Variants in PDE4D observed in about 807,000 individuals in gnomAD.
PDE4D encodes the protein 3',5'-cyclic-AMP phosphodiesterase 4D.
PDE4D carries 24 observed loss-of-function variants against 87.4 expected under a neutral mutation model. The observed-to-expected ratio is 0.27, with a 90% CI of 0.20 to 0.39. The LOEUF is 0.39. Ranked by LOEUF, PDE4D falls within the 10% of genes least tolerant of loss-of-function variation. The probability of loss-of-function intolerance (pLI) is 1.00; values close to 1 mark genes in which losing one functional copy is unlikely to be tolerated. For synonymous variants in PDE4D, 384 were observed against 383.2 expected, an observed-to-expected ratio of 1.00 and a Z score of -0.02; for missense variants, 714 against 1,041.0, an observed-to-expected ratio of 0.69 and a Z score of 4.32.
At chr5:60,417,867 G>A (rs1458813015) in intron 1 of PDE4D, among the ~76,000 whole-genome samples, 2 of 151,620 alleles carry the variant, frequency 1.3e-5, no homozygotes, top group African/African-American at 2.4e-5. Context: ...TGTTTAAATG[G>A]TCAGGGTTTA....
intron 3 of PDE4D, among the ~76,000 whole-genome samples, chr5:59,185,769 CT>C (rs1386412521): frequency 6.6e-6 from 1 of 152,128 alleles, no homozygotes. Flanking sequence ...ACATTGTTTT[CT>C]TTTGTTAAGG....
At chr5:59,490,486 A>G (rs1273890562) in intron 1 of PDE4D, among the ~76,000 whole-genome samples, 2 of 152,196 alleles carry the variant, frequency 1.3e-5, no homozygotes, top group Non-Finnish European at 2.9e-5. Flanking sequence ...GACATAAATA[A>G]CAGCTATAGA....
intron 2 of PDE4D, among the ~76,000 whole-genome samples, chr5:59,990,380 T>C (rs188622512): frequency 1.3e-5 from 2 of 152,322 alleles, no homozygotes; most frequent in East Asian, 3.9e-4. Context: ...TGATGCTCAC[T>C]CTTCACATTG....
intron 1 of PDE4D, among the ~76,000 whole-genome samples, chr5:59,581,451 A>G (rs936214663): frequency 6.6e-6 from 1 of 152,220 alleles, no homozygotes; most frequent in Non-Finnish European, 1.5e-5. Context: ...AAGCTAAAAC[A>G]TCATACATTG....
At chr5:59,654,660 A>G (rs1359824511) in intron 1 of PDE4D, among the ~76,000 whole-genome samples, 1 of 152,194 alleles carries the variant, frequency 6.6e-6, no homozygotes, top group Non-Finnish European at 1.5e-5. Context: ...GCATTCACAG[A>G]GTTGTGCCTC....
intron 1 of PDE4D, among the ~76,000 whole-genome samples, chr5:59,551,214 A>G (rs1432789821): frequency 6.6e-6 from 1 of 151,514 alleles, no homozygotes; most frequent in Non-Finnish European, 1.5e-5. Flanking sequence ...TGAAATTTAA[A>G]TACTCATTTT....
chr5:59,468,855 C>T (rs1337355253), intron 1 of PDE4D, among the ~76,000 whole-genome samples: 2 of 152,084 alleles, frequency 1.3e-5, no homozygotes, highest in Non-Finnish European at 2.9e-5. Flanking sequence ...TAACTTAGAG[C>T]TTAGAGCATC....
At position 60,318,001 on chromosome 5, in the gene PDE4D, G is replaced by C. The variant is rs142793023; in HGVS notation, c.-89-132314C>G. Among the ~76,000 whole-genome samples the C allele has an allele frequency of 1.3e-3, 197 of 152,266 alleles. 4 individuals carry two copies. The East Asian group carries it at 0.034, about 26-fold the overall frequency. ...GGAGAGTTCTGTAGATGTCTATTAG[G>C]TCTGCTTGGTGCAGAGCTGAGTTCA... is the stretch of plus-strand genomic sequence containing the variant. On this transcript the variant is annotated intron_variant, in intron 1 of 16. Transcript: ENST00000502484.
chr5:59,473,083 GA>G (rs10573988), intron 1 of PDE4D, among the ~76,000 whole-genome samples: 5,679 of 92,082 alleles, frequency 0.062, 214 homozygotes, highest in East Asian at 0.24. Flanking sequence ...GCTTTCTCAT[GA>G]AAAAAAAAAA....
At chr5:59,726,368 A>G (rs1756587826) in intron 1 of PDE4D, among the ~76,000 whole-genome samples, 1 of 152,048 alleles carries the variant, frequency 6.6e-6, no homozygotes, top group African/African-American at 2.4e-5. Flanking sequence ...TGGAAGCCCT[A>G]ACCCTTTATG....
chr5:60,458,386 C>CA (rs61006284), intron 1 of PDE4D, among the ~76,000 whole-genome samples: 13,881 of 74,472 alleles, frequency 0.19, 1,767 homozygotes, highest in African/African-American at 0.31. Context: ...GACTTCATTG[C>CA]AAAAAAAAAA....
intron 1 of PDE4D, among the ~76,000 whole-genome samples, chr5:59,831,099 A>G (rs779507384): frequency 1.3e-5 from 2 of 152,046 alleles, no homozygotes; most frequent in Non-Finnish European, 2.9e-5. Context: ...TGGAATGAGA[A>G]AGGGTCAGAA....
chr5:59,688,834 A>G (rs1012558276), intron 1 of PDE4D, among the ~76,000 whole-genome samples: 3 of 152,200 alleles, frequency 2.0e-5, no homozygotes, highest in African/African-American at 7.2e-5. Flanking sequence ...CAAGACTAAT[A>G]AAGAAGAAAG....
chr5:59,531,077 GA>G (rs1217755431), intron 1 of PDE4D, among the ~76,000 whole-genome samples: 1 of 152,198 alleles, frequency 6.6e-6, no homozygotes, highest in Non-Finnish European at 1.5e-5. Context: ...TTTGCTTATA[GA>G]AAAATAAGAA....
intron 1 of PDE4D, among the ~76,000 whole-genome samples, chr5:59,232,419 G>A (rs182358560): frequency 2.7e-5 from 4 of 150,458 alleles, no homozygotes; most frequent in African/African-American, 9.8e-5. Context: ...CAACAGGTAT[G>A]TAAAAAGTAC....
chr5:59,814,191 A>T (rs889083316), intron 1 of PDE4D, among the ~76,000 whole-genome samples: 2 of 152,328 alleles, frequency 1.3e-5, no homozygotes, highest in African/African-American at 4.8e-5. Flanking sequence ...TTTATAAAAA[A>T]AGACAGTTTT....
At chr5:58,999,749 T>TCC in intron 6 of PDE4D, 1 of 1,043,892 alleles carries the variant, frequency 9.6e-7, no homozygotes, top group Non-Finnish European at 1.1e-6. Flanking sequence ...TTTGTAAGAC[T>TCC]CCAGAATGGC....
At chr5:59,796,750 C>A (rs910269366) in intron 1 of PDE4D, among the ~76,000 whole-genome samples, 2 of 152,174 alleles carry the variant, frequency 1.3e-5, no homozygotes, top group African/African-American at 4.8e-5. Context: ...TTCTAGCTCT[C>A]TTATTCAGCA....
intron 2 of PDE4D, among the ~76,000 whole-genome samples, chr5:60,140,061 T>A (rs1315351845): frequency 6.6e-6 from 1 of 152,086 alleles, no homozygotes; most frequent in East Asian, 1.9e-4. Context: ...AAAAATAAAA[T>A]GACTTAATCT....
Sources: gnomAD v4.1 joint callset for allele counts (sites outside exome capture counted in the v4.1 genomes callset) on GRCh38, gnomAD v4.1.1 for gene constraint, MANE v1.5 for transcripts, NCBI Gene and HGNC (gene_info 2026-07-23, HGNC 2026-07-21) for gene names.